Variants in CFAP299 observed in about 807,000 individuals in gnomAD.
CFAP299 encodes the protein cilia- and flagella-associated protein 299.
In CFAP299, 21 loss-of-function variants were observed where a neutral mutation model predicts 27.0. That is an observed-to-expected ratio of 0.78 (90% CI 0.55 to 1.12). CFAP299 has a LOEUF of 1.12. Among genes scored for constraint, CFAP299 ranks in the 50% most tolerant of loss-of-function variants. The pLI is 0.00. For missense variants in CFAP299, 310 were observed against 276.6 expected (o/e 1.12, Z -0.86); for synonymous variants, 104 against 98.1 (o/e 1.06, Z -0.36).
chr4:80,630,457 T>G (rs1469529205), intron 3 of CFAP299, among the ~76,000 whole-genome samples: 1 of 152,126 alleles, frequency 6.6e-6, no homozygotes, highest in Non-Finnish European at 1.5e-5. Context: ...AGCATATATT[T>G]TAAAAGTTCT....
intron 2 of CFAP299, among the ~76,000 whole-genome samples, chr4:80,476,142 C>A (rs539017962): frequency 6.6e-6 from 1 of 152,272 alleles, no homozygotes; most frequent in East Asian, 1.9e-4. Flanking sequence ...TCTCCCTCAC[C>A]CCTTACTCTA....
At chr4:80,417,209 C>G (rs978462123) in intron 2 of CFAP299, among the ~76,000 whole-genome samples, 3 of 152,146 alleles carry the variant, frequency 2.0e-5, no homozygotes, top group African/African-American at 4.8e-5. Context: ...TGATTTCTAG[C>G]ATGCTAATAC....
At chr4:80,512,429 A>G (rs1732355206) in intron 2 of CFAP299, among the ~76,000 whole-genome samples, 1 of 152,142 alleles carries the variant, frequency 6.6e-6, no homozygotes, top group Non-Finnish European at 1.5e-5. Context: ...CAACATGCTT[A>G]TGAAGCACAT....
the CFAP299 span, among the ~76,000 whole-genome samples, chr4:80,322,063 C>T: frequency 6.6e-6 from 1 of 152,084 alleles, no homozygotes; most frequent in African/African-American, 2.4e-5. Context: ...GGACTAGCAC[C>T]CAGGGTCATT....
chr4:80,589,857 T>C (rs1736633352), intron 3 of CFAP299, among the ~76,000 whole-genome samples: 1 of 152,154 alleles, frequency 6.6e-6, no homozygotes, highest in Non-Finnish European at 1.5e-5. Context: ...GAGTACATTG[T>C]TAGGCAACTT....
intron 2 of CFAP299, among the ~76,000 whole-genome samples, chr4:80,404,517 G>A (rs147327744): frequency 6.5e-4 from 99 of 152,192 alleles, no homozygotes; most frequent in Non-Finnish European, 1.0e-3. Flanking sequence ...GAGGTACCTC[G>A]TCTAAGTGGA....
At chr4:80,697,800 G>A (rs1370848577) in intron 3 of CFAP299, among the ~76,000 whole-genome samples, 1 of 152,132 alleles carries the variant, frequency 6.6e-6, no homozygotes, top group Non-Finnish European at 1.5e-5. Context: ...GAGCTAACAT[G>A]GCATAGGATA....
chr4:80,429,096 C>T (rs886544168), intron 2 of CFAP299, among the ~76,000 whole-genome samples: 1 of 152,224 alleles, frequency 6.6e-6, no homozygotes, highest in Non-Finnish European at 1.5e-5. Flanking sequence ...TGAGCTTTCT[C>T]TGGCAAATTG....
chr4:80,324,415 G>T, the CFAP299 span, among the ~76,000 whole-genome samples: 1 of 152,106 alleles, frequency 6.6e-6, no homozygotes, highest in Non-Finnish European at 1.5e-5. Flanking sequence ...CCACTAATTG[G>T]CTCGTAAAAC....
chr4:80,855,504 G>A (rs969360231), intron 3 of CFAP299, among the ~76,000 whole-genome samples: 4 of 151,878 alleles, frequency 2.6e-5, no homozygotes, highest in Non-Finnish European at 4.4e-5. Flanking sequence ...GCGCTGCACC[G>A]ACTAACTCGT....
chr4:80,642,936 G>A (rs11942949), intron 3 of CFAP299, among the ~76,000 whole-genome samples: 16,848 of 151,894 alleles, frequency 0.11, 1,069 homozygotes, highest in South Asian at 0.21. Flanking sequence ...GAGTGGGGTG[G>A]GGACAGTAAA....
intron 3 of CFAP299, among the ~76,000 whole-genome samples, chr4:80,855,979 C>T (rs1367251059): frequency 6.6e-6 from 1 of 151,794 alleles, no homozygotes; most frequent in Non-Finnish European, 1.5e-5. Flanking sequence ...GAGGAATTGC[C>T]ACACTGACTT....
chr4:80,446,751 C>T (rs1318825276), intron 2 of CFAP299, among the ~76,000 whole-genome samples: 1 of 152,180 alleles, frequency 6.6e-6, no homozygotes, highest in African/African-American at 2.4e-5. Context: ...GGTAGCATTA[C>T]AGTCTATTTA....
intron 3 of CFAP299, among the ~76,000 whole-genome samples, chr4:80,764,565 A>G (rs982560232): frequency 1.3e-5 from 2 of 152,176 alleles, no homozygotes; most frequent in African/African-American, 4.8e-5. Context: ...AACCAGAAAT[A>G]CTATTTGACC....
intron 2 of CFAP299, among the ~76,000 whole-genome samples, chr4:80,482,385 C>T (rs1730608624): frequency 6.6e-6 from 1 of 151,976 alleles, no homozygotes; most frequent in South Asian, 2.1e-4. Flanking sequence ...AAATACCATT[C>T]AACATTATAA....
chr4:80,873,190 A>T (rs1185697301), intron 4 of CFAP299: 1 of 186,316 alleles, frequency 5.4e-6, no homozygotes, highest in Non-Finnish European at 1.0e-5. Flanking sequence ...GAAGTTCCAT[A>T]CTTAGTTTGA....
Position 80,409,998 on chromosome 4 carries a change from A to G in CFAP299, c.242+47114A>G, listed in dbSNP as rs1267839463. 2.0e-5 allele frequency among the ~76,000 whole-genome samples: 3 copies of G among 152,180 alleles called. No homozygotes were observed. In the East Asian group the frequency reaches 5.8e-4, roughly 29 times the overall value. On this transcript the variant is annotated intron_variant, in intron 2 of 5. Coordinates refer to ENST00000358105, the MANE Select transcript of CFAP299 (RefSeq NM_152770.3). ...GGTCCAGCGAAGATCAGCAGAAGTG[A>G]TGTAAGGAATGGGGACTAGCTCCTA...
chr4:80,444,290 T>C (rs1728507508), intron 2 of CFAP299, among the ~76,000 whole-genome samples: 1 of 152,158 alleles, frequency 6.6e-6, no homozygotes. Context: ...ACTACAAGGC[T>C]ACAGTAACTA....
intron 3 of CFAP299, among the ~76,000 whole-genome samples, chr4:80,734,449 A>G (rs931879551): frequency 2.0e-5 from 3 of 151,902 alleles, no homozygotes; most frequent in African/African-American, 4.8e-5. Flanking sequence ...TTCCTTTGCT[A>G]TGCAGAAGCT....
Sources: allele counts gnomAD v4.1 joint callset (sites outside exome capture counted in the v4.1 genomes callset), GRCh38; gene constraint gnomAD v4.1.1; transcripts MANE v1.5; gene names NCBI Gene and HGNC (gene_info 2026-07-23, HGNC 2026-07-21).